MDN1: variants seen among roughly 807,000 people sequenced by gnomAD.
MDN1 encodes midasin AAA ATPase 1.
A neutral mutation model predicts 669.2 loss-of-function variants in MDN1; 266 were observed. That is an observed-to-expected ratio of 0.40 (90% CI 0.36 to 0.44). MDN1 has a LOEUF of 0.44. Ranked by LOEUF, MDN1 falls within the 20% of genes least tolerant of loss-of-function variation. MDN1 has a pLI of 1.00. For missense variants in MDN1, 5,940 were observed against 6,754.0 expected, an observed-to-expected ratio of 0.88 and a Z score of 4.22; for synonymous variants, 2,385 against 2,457.1, an observed-to-expected ratio of 0.97 and a Z score of 0.87.
At chr6:89,699,160 C>T in intron 58 of MDN1, 125 bp from the exon 59 acceptor site, 1 of 871,880 alleles carries the variant, frequency 1.1e-6, no homozygotes, top group South Asian at 2.0e-5. Context: ...CCAAATTTTT[C>T]CGTTTCTCTG....
intron 2 of MDN1, among the ~76,000 whole-genome samples, chr6:89,799,129 GC>G (rs1347422540): frequency 2.6e-5 from 4 of 152,270 alleles, no homozygotes; most frequent in South Asian, 2.1e-4. Flanking sequence ...CCCTCATTCT[GC>G]TGTATGGCCG....
At chr6:89,644,967 G>C (rs1426894345) in intron 101 of MDN1, 48 bp downstream of exon 101, 2 of 1,552,246 alleles carry the variant, frequency 1.3e-6, no homozygotes, top group Non-Finnish European at 1.8e-6. Flanking sequence ...AGGTTGAAGG[G>C]AATCCCCACT....
Position 89,716,603 on chromosome 6 carries a change from T to G in MDN1, c.6743+47A>C, listed in dbSNP as rs1814389873. 2.6e-6 allele frequency: 4 copies of G among 1,561,326 alleles called. No homozygotes were observed. In the East Asian group the frequency reaches 9.2e-5, roughly 36 times the overall value. The stretch of plus-strand genomic sequence containing the variant: ...ATCTGGGTTTCTACTTTGACAAGCA[T>G]ATCCCAAATTTCAAGTTGGACCACT... On this transcript the variant is annotated intron_variant, in intron 44 of 101. Transcript: ENST00000369393.
chr6:89,667,324 A>G (rs1229994352), intron 84 of MDN1, among the ~76,000 whole-genome samples: 1 of 152,128 alleles, frequency 6.6e-6, no homozygotes, highest in Non-Finnish European at 1.5e-5. Flanking sequence ...TACTAGCATT[A>G]TTCTTTTGGC....
intron 9 of MDN1, among the ~76,000 whole-genome samples, chr6:89,784,740 T>G (rs1562216247): frequency 6.6e-6 from 1 of 150,578 alleles, no homozygotes; most frequent in Non-Finnish European, 1.5e-5. Flanking sequence ...TCAATGATAC[T>G]GAGGAATTAC....
chr6:89,680,467 T>G (rs764202010), intron 74 of MDN1, 122 bp downstream of exon 74: 6 of 1,192,214 alleles, frequency 5.0e-6, no homozygotes, highest in Non-Finnish European at 6.8e-6. Flanking sequence ...ACTTGCTTAT[T>G]CAATCAACTG....
intron 57 of MDN1, 63 bp downstream of exon 57, chr6:89,700,000 G>C (rs546837518): frequency 6.9e-7 from 1 of 1,442,792 alleles, no homozygotes. Flanking sequence ...TATGGGTATA[G>C]GATACACAGA....
chr6:89,724,226 G>A (rs923932427), intron 38 of MDN1, among the ~76,000 whole-genome samples: 4 of 152,016 alleles, frequency 2.6e-5, no homozygotes, highest in Admixed American at 1.3e-4. Context: ...TGGTAGATAC[G>A]AGTATTCACT....
rs141561161 is a variant in MDN1 at position 89,688,659 on chromosome 6, G to A, written c.11173C>T (p.Arg3725Trp). The change falls in exon 66 of 102, where the codon CGG (arginine) becomes TGG (tryptophan). Residue 3725 changes from arginine (R) to tryptophan (W), a missense_variant. Coordinates refer to ENST00000369393, the MANE Select transcript of MDN1 (RefSeq NM_014611.3). ...CCTTGAAGCACAGGTTGACACTGCC[G>A]TGCTTCTGGAACATTGGGATGCTGG... ...FYQHPNVPEARQCQPVLQGFS... is the reference protein window; with the variant it reads ...FYQHPNVPEAWQCQPVLQGFS... 7.2e-5 allele frequency: 116 copies of A among 1,614,108 alleles called. No individual in the cohort carries two copies. Among genetic ancestry groups the A allele is most frequent in the African/African-American group, 3.3e-4 (25 of 75,024 alleles).
chr6:89,748,867 C>T (rs892245696), intron 26 of MDN1, among the ~76,000 whole-genome samples: 11 of 149,976 alleles, frequency 7.3e-5, no homozygotes, highest in South Asian at 2.1e-4. Context: ...CGAGACCAGC[C>T]GGGGCAACAT....
Position 89,673,365 on chromosome 6 carries a change from C to T in MDN1, c.13345G>A (p.Glu4449Lys), listed in dbSNP as rs1219481267. 6.2e-7 allele frequency: 1 copy of T among 1,614,204 alleles called. No individual in the cohort carries two copies. Among genetic ancestry groups the T allele is most frequent in the South Asian group, 1.1e-5 (1 of 91,084 alleles). ...ATTTGTGAGTCTCTTTGCTCAACCT[C>T]CATCCCTGGAAGAATGAACAAGGAC... Reference protein sequence around the residue: ...LESLFILPGMEVEQRDSQMAL... With the variant: ...LESLFILPGMKVEQRDSQMAL... Residue 4449 changes from glutamate to lysine, a missense_variant, in exon 80 of 102, where the codon GAG becomes AAG. Glu to Lys is a moderately conservative substitution (Grantham distance 56, BLOSUM62 1). Coordinates refer to ENST00000369393, the MANE Select transcript of MDN1 (RefSeq NM_014611.3).
At chr6:89,725,065 A>G (rs537369906) in intron 38 of MDN1, 134 bp downstream of exon 38, 2 of 782,302 alleles carry the variant, frequency 2.6e-6, no homozygotes, top group East Asian at 5.2e-5. Context: ...AATATTGATC[A>G]TATAAGGACA....
chr6:89,788,050 C>T (rs1026654701), intron 7 of MDN1, 93 bp from the exon 8 acceptor site: 13 of 1,118,130 alleles, frequency 1.2e-5, no homozygotes, highest in Admixed American at 2.3e-5. Context: ...ATGACAGACA[C>T]ACCCTTAAAG....
intron 1 of MDN1, among the ~76,000 whole-genome samples, chr6:89,807,915 T>C (rs1768119025): frequency 6.6e-6 from 1 of 152,140 alleles, no homozygotes; most frequent in South Asian, 2.1e-4. Context: ...TTTTTTTTCA[T>C]AGCTTAAATT....
At chr6:89,762,144 C>A (rs1434891694) in intron 16 of MDN1, among the ~76,000 whole-genome samples, 175 bp downstream of exon 16, 1 of 152,192 alleles carries the variant, frequency 6.6e-6, no homozygotes, top group Non-Finnish European at 1.5e-5. Context: ...CATTACCAGT[C>A]AACTGTTTTT....
At position 89,796,767 on chromosome 6, in the gene MDN1, T is replaced by TAATTTTATAAA. The variant is rs367848729; in HGVS notation, c.330-1977_330-1967dup. The stretch of plus-strand genomic sequence containing the variant: ...TTAGCATGCATTAGATGTTTGTTTT[T>TAATTTTATAAA]AATTTTATAAAAATTTCTGGGCTGG... On this transcript the variant is annotated intron_variant, in intron 2 of 101. Transcript: ENST00000369393. Among the ~76,000 whole-genome samples, 1,110 of 152,262 alleles carry TAATTTTATAAA rather than the reference T, an allele frequency of 7.3e-3. 23 individuals carry two copies. The highest frequency in any genetic ancestry group is 0.025 in the African/African-American group (1,054 of 41,536).
At position 89,712,786 on chromosome 6, in the gene MDN1, G is replaced by A. The variant is rs755172755; in HGVS notation, c.7219C>T (p.Leu2407Phe). ...TGTTTCTCCAGTAAAGCCTGTACAAGCTGGTAGGAGACAAAAACACAATAC... is the reference window on the plus strand; with the variant it reads ...TGTTTCTCCAGTAAAGCCTGTACAAACTGGTAGGAGACAAAAACACAATAC... ...CSQHSPANRK[L>F]VQALLEKHVS... is the part of the protein sequence containing the mutation. Residue 2407 changes from leucine to phenylalanine, a missense_variant and splice_region_variant, in exon 48 of 102, where the codon CTT (leucine) becomes TTT (phenylalanine). Physicochemically the swap from Leu to Phe is conservative, Grantham distance 22 (BLOSUM62 0). Around this residue, in one of 5 missense-constraint regions of MDN1, gnomAD observed 2,292 missense variants for 2,638.3 expected, o/e 0.87. Coordinates refer to ENST00000369393, the MANE Select transcript of MDN1 (RefSeq NM_014611.3). 6.2e-7 allele frequency: 1 copy of A among 1,613,788 alleles called. No homozygotes were observed. Among genetic ancestry groups the A allele is most frequent in the South Asian group, 1.1e-5 (1 of 91,072 alleles).
In MDN1 at chr6:89,810,009, A is replaced by ATAC. The variant is rs1280126995; in HGVS notation, c.103-6456_103-6455insGTA. On this transcript the variant is annotated intron_variant, in intron 1 of 101. Coordinates refer to ENST00000369393, the MANE Select transcript of MDN1 (RefSeq NM_014611.3). ...CCGTTTCACTAAAAAAAAAAAAAAA[A>ATAC]AAAAAAAAAAAAAAAAATTAAGTTT... Among the ~76,000 whole-genome samples, 10 of 146,172 alleles carry ATAC rather than the reference A, an allele frequency of 6.8e-5. No individual in the cohort carries two copies. The South Asian group carries it at 2.1e-3, about 31-fold the overall frequency.
intron 38 of MDN1, 31 bp from the exon 39 acceptor site, chr6:89,723,650 C>T (rs1366720554): frequency 1.5e-6 from 2 of 1,307,314 alleles, no homozygotes; most frequent in South Asian, 1.5e-5. Context: ...TGAAGAAATG[C>T]CTTTGTTTCT....
Sources: allele counts gnomAD v4.1 joint callset (sites outside exome capture counted in the v4.1 genomes callset), GRCh38; gene constraint gnomAD v4.1.1; regional missense constraint gnomAD v4.1.1; transcripts MANE v1.5; gene names NCBI Gene and HGNC (gene_info 2026-07-23, HGNC 2026-07-21).